Variants in ADGRG6 observed in about 807,000 individuals in gnomAD.
ADGRG6 encodes adhesion G protein-coupled receptor G6.
Under a neutral mutation model 142.4 loss-of-function variants are expected in ADGRG6, and 84 were observed. The ratio of observed to expected loss-of-function variants is 0.59; its 90% CI spans 0.49 to 0.71. The LOEUF (loss-of-function observed/expected upper bound fraction) is 0.71. Ranked by LOEUF, ADGRG6 falls within the 30% of genes least tolerant of loss-of-function variation. ADGRG6 has a pLI of 0.00. For missense variants in ADGRG6, 1,367 were observed against 1,466.6 expected, an observed-to-expected ratio of 0.93 and a Z score of 1.11; for synonymous variants, 521 against 520.5, an observed-to-expected ratio of 1.00 and a Z score of -0.01.
chr6:142,310,479 T>C (rs1008476307), intron 2 of ADGRG6, among the ~76,000 whole-genome samples: 37 of 151,748 alleles, frequency 2.4e-4, no homozygotes, highest in Admixed American at 2.4e-3. Context: ...TGAAGTCTTA[T>C]GTATTTATTA....
At chr6:142,341,567 A>AATATTATGTAGTATATATAATATT (rs1779645358) in intron 2 of ADGRG6, among the ~76,000 whole-genome samples, 1 of 121,494 alleles carries the variant, frequency 8.2e-6, no homozygotes, top group Admixed American at 9.8e-5. Context: ...TATACTATAT[A>AATATTATGTAGTATATATAATATT]ATATTATGTA....
chr6:142,327,530 T>G (rs1489705814), intron 2 of ADGRG6, among the ~76,000 whole-genome samples: 1 of 152,148 alleles, frequency 6.6e-6, no homozygotes, highest in African/African-American at 2.4e-5. Flanking sequence ...ATAGGAAATG[T>G]GTATTATCAT....
chr6:142,313,128 G>A (rs529362280), intron 2 of ADGRG6, among the ~76,000 whole-genome samples: 6 of 151,734 alleles, frequency 4.0e-5, no homozygotes, highest in East Asian at 3.9e-4. Context: ...TTCTTACAAC[G>A]ATCAGGTATT....
In ADGRG6 at chr6:142,445,385, C is replaced by T. The variant is rs1347918058; in HGVS notation, c.*1870C>T. On this transcript the variant is annotated 3_prime_UTR_variant, in exon 25 of 25. Coordinates refer to ENST00000367609, the MANE Select transcript of ADGRG6 (RefSeq NM_198569.3). Reference sequence around the variant, plus strand: ...AGGTTACATATGGATGAAAATGAATCTTAGTCACTGAATATTCATATACAT... The same window carrying T: ...AGGTTACATATGGATGAAAATGAATTTTAGTCACTGAATATTCATATACAT... 1 of 152,122 alleles carries T rather than the reference C, an allele frequency of 6.6e-6. No individual in the cohort carries two copies. The highest frequency in any genetic ancestry group is 1.9e-4 in the East Asian group (1 of 5,196). The allele number at this position is 152,122 out of a possible 1,614,324, so 9.4% of individuals were successfully genotyped here.
chr6:142,431,357 C>A (rs1214559482), intron 22 of ADGRG6, among the ~76,000 whole-genome samples: 1 of 151,890 alleles, frequency 6.6e-6, no homozygotes, highest in Non-Finnish European at 1.5e-5. Context: ...TAAAATGCAC[C>A]AAAAAAGGTC....
intron 2 of ADGRG6, among the ~76,000 whole-genome samples, chr6:142,317,908 T>G (rs1465623025): frequency 1.3e-5 from 1 of 74,878 alleles, no homozygotes; most frequent in Non-Finnish European, 2.3e-5. Flanking sequence ...TTTATATATA[T>G]TATATATATT....
intron 22 of ADGRG6, among the ~76,000 whole-genome samples, chr6:142,422,673 T>C (rs1441644820): frequency 6.7e-6 from 1 of 148,920 alleles, no homozygotes; most frequent in African/African-American, 2.5e-5. Context: ...CCTTTGGGTA[T>C]ATACCCAGTA....
At chr6:142,380,613 G>C (rs1781726389) in intron 4 of ADGRG6, among the ~76,000 whole-genome samples, 1 of 152,162 alleles carries the variant, frequency 6.6e-6, no homozygotes, top group South Asian at 2.1e-4. Flanking sequence ...ACTTGTTTTA[G>C]AAATTCTGTC....
At chr6:142,308,109 TAAATG>T (rs1357346786) in intron 1 of ADGRG6, among the ~76,000 whole-genome samples, 4 of 151,992 alleles carry the variant, frequency 2.6e-5, no homozygotes, top group Admixed American at 2.0e-4. Flanking sequence ...TAACACCACT[TAAATG>T]AGAATGCCTG....
chr6:142,383,776 T>C lies in ADGRG6; in HGVS notation c.1155T>C (p.Pro385=). 3 of 1,555,920 alleles carry C rather than the reference T, an allele frequency of 1.9e-6. No individual in the cohort carries two copies. The highest frequency in any genetic ancestry group is 1.8e-6 in the Non-Finnish European group (2 of 1,127,800). Residue 385 remains proline (P), a synonymous_variant, in exon 6 of 25, where the codon CCT becomes CCC. Coordinates refer to ENST00000367609, the MANE Select transcript of ADGRG6 (RefSeq NM_198569.3). The part of the protein sequence containing the change: ...GTLCQATVNS[P]STTPPTVTTN... ...TATTACCAGCTACTGTAAACTCTCC[T>C]AGTACTACACCACCCACTGTCACCA...
intron 2 of ADGRG6, 83 bp from the exon 3 acceptor site, chr6:142,367,486 G>A: frequency 1.2e-6 from 1 of 833,448 alleles, no homozygotes; most frequent in Non-Finnish European, 1.9e-6. Flanking sequence ...CTGCTTGATT[G>A]TCGCCAGTGT....
chr6:142,330,921 C>A (rs988773036), intron 2 of ADGRG6, among the ~76,000 whole-genome samples: 4 of 151,850 alleles, frequency 2.6e-5, no homozygotes, highest in African/African-American at 9.7e-5. Flanking sequence ...TAAACAAATT[C>A]AGAATTGTTT....
At chr6:142,440,705 T>C (rs1273066286) in intron 24 of ADGRG6, among the ~76,000 whole-genome samples, 1 of 152,196 alleles carries the variant, frequency 6.6e-6, no homozygotes, top group Admixed American at 6.5e-5. Context: ...GTTAGTTATA[T>C]GGCATTACTT....
intron 22 of ADGRG6, among the ~76,000 whole-genome samples, chr6:142,432,030 C>A (rs757547666): frequency 4.6e-5 from 7 of 152,078 alleles, no homozygotes; most frequent in Non-Finnish European, 1.0e-4. Flanking sequence ...CTTCTGACAC[C>A]GAGATCTATA....
intron 10 of ADGRG6, among the ~76,000 whole-genome samples, chr6:142,398,138 C>T (rs1228239772): frequency 6.6e-6 from 1 of 152,118 alleles, no homozygotes; most frequent in East Asian, 1.9e-4. Context: ...TGTTTTAAAA[C>T]ATCTCCTGCT....
rs1775909691 is a variant in ADGRG6 at position 142,408,191 on chromosome 6, G to A, written c.2310G>A (p.Met770Ile). 2 of 1,588,760 alleles carry A rather than the reference G, an allele frequency of 1.3e-6. No homozygotes were observed. Among genetic ancestry groups the A allele is most frequent in the Non-Finnish European group, 1.7e-6 (2 of 1,164,318 alleles). The change falls in exon 16 of 25, where the codon ATG (methionine) becomes ATA (isoleucine). Residue 770 changes from methionine (M) to isoleucine (I), a missense_variant. By Grantham distance (10) the Met-to-Ile change is conservative (BLOSUM62 1). Around this residue, in one of 3 missense-constraint regions of ADGRG6, gnomAD observed 286 missense variants for 371.4 expected, o/e 0.77. Transcript: ENST00000367609. ...GAAAAACTTTAGTGAGTTATGTGAT[G>A]GCGTGCAGTATTGGAAACATTACTA... ...PQRKTLVSYV[M>I]ACSIGNITIQ...
At chr6:142,436,580 T>C (rs1257241565) in intron 22 of ADGRG6, among the ~76,000 whole-genome samples, 1 of 152,116 alleles carries the variant, frequency 6.6e-6, no homozygotes, top group Non-Finnish European at 1.5e-5. Context: ...ATAAAGAGAT[T>C]GAAGCTGGAA....
In ADGRG6 at chr6:142,302,022, C is replaced by T. The variant is rs1777239704; in HGVS notation, c.-308C>T. 2 of 483,570 alleles carry T rather than the reference C, an allele frequency of 4.1e-6. No individual in the cohort carries two copies. Among genetic ancestry groups the T allele is most frequent in the East Asian group, 3.4e-5 (1 of 29,800 alleles). 30.0% of individuals were successfully genotyped at this position (483,570 alleles called of 1,614,324 possible). A position where few individuals can be genotyped will look rare whatever the true frequency, so the allele number is the denominator to read the frequency against. On this transcript the variant is annotated 5_prime_UTR_variant, in exon 1 of 25. Coordinates refer to ENST00000367609, the MANE Select transcript of ADGRG6 (RefSeq NM_198569.3). ...CCTGCCTGGCCCGGTCTCCTCAGCA[C>T]CAGCCCCACGCACACCCTACTTCCT... is the stretch of plus-strand genomic sequence containing the variant.
chr6:142,369,787 T>C (rs1483749959), intron 3 of ADGRG6, among the ~76,000 whole-genome samples: 2 of 152,228 alleles, frequency 1.3e-5, no homozygotes, highest in Non-Finnish European at 2.9e-5. Flanking sequence ...AAAAGTAGTA[T>C]TTTTGAAAAT....
Sources: gnomAD v4.1 joint callset for allele counts (sites outside exome capture counted in the v4.1 genomes callset) on GRCh38, gnomAD v4.1.1 for gene constraint, gnomAD v4.1.1 regional missense constraint, MANE v1.5 for transcripts, NCBI Gene and HGNC (gene_info 2026-07-23, HGNC 2026-07-21) for gene names.